Variants in MAGI2 observed in about 807,000 individuals in gnomAD.
The protein encoded by MAGI2 is membrane associated guanylate kinase, WW and PDZ domain containing 2, also known as membrane-associated guanylate kinase, WW and PDZ domain-containing protein 2.
A neutral mutation model predicts 133.3 loss-of-function variants in MAGI2; 35 were observed. The observed-to-expected ratio is 0.26, with a 90% CI of 0.20 to 0.35. The LOEUF (loss-of-function observed/expected upper bound fraction) is 0.35. Among genes scored for constraint, MAGI2 ranks in the 10% least tolerant of loss-of-function variants. The pLI, the probability that MAGI2 is intolerant of heterozygous loss-of-function variation, is 1.00. For synonymous variants in MAGI2, 729 were observed against 710.6 expected, an observed-to-expected ratio of 1.03 and a Z score of -0.41; for missense variants, 1,636 against 1,863.4, an observed-to-expected ratio of 0.88 and a Z score of 2.25.
intron 4 of MAGI2, among the ~76,000 whole-genome samples, chr7:78,513,936 A>G (rs1307913219): frequency 1.5e-4 from 23 of 151,950 alleles, no homozygotes; most frequent in Admixed American, 1.5e-3. Context: ...TAAAAATACA[A>G]AATTAGCTGT....
chr7:79,395,037 C>G (rs1350870636), intron 1 of MAGI2, among the ~76,000 whole-genome samples: 1 of 152,112 alleles, frequency 6.6e-6, no homozygotes, highest in Admixed American at 6.5e-5. Flanking sequence ...GTAGTACTCT[C>G]AGAGGCATAC....
intron 2 of MAGI2, among the ~76,000 whole-genome samples, chr7:78,693,811 T>G (rs1197724945): frequency 6.6e-6 from 1 of 152,184 alleles, no homozygotes; most frequent in Non-Finnish European, 1.5e-5. Context: ...TTGCATTTCC[T>G]TCTATCTTTT....
chr7:78,252,213 C>A (rs2429641), intron 10 of MAGI2: 106,091 of 150,534 alleles, frequency 0.7, 38,081 homozygotes, highest in African/African-American at 0.85. Context: ...AGAATAGCCA[C>A]ATTATTTTGA....
At chr7:78,878,338 A>G (rs1341681562) in intron 2 of MAGI2, among the ~76,000 whole-genome samples, 1 of 152,194 alleles carries the variant, frequency 6.6e-6, no homozygotes, top group African/African-American at 2.4e-5. Flanking sequence ...TTTTCATTTT[A>G]CACTGGACCT....
intron 21 of MAGI2, among the ~76,000 whole-genome samples, chr7:78,051,613 C>G (rs759162129): frequency 6.6e-6 from 1 of 152,130 alleles, no homozygotes; most frequent in African/African-American, 2.4e-5. Flanking sequence ...GAGACAGAGT[C>G]TGGCTCTGTT....
intron 2 of MAGI2, among the ~76,000 whole-genome samples, chr7:78,778,398 G>C (rs1164521242): frequency 6.6e-6 from 1 of 152,094 alleles, no homozygotes; most frequent in Non-Finnish European, 1.5e-5. Context: ...AAATTCAGTA[G>C]AATAAACTGT....
At chr7:78,491,906 TG>T (rs1793653168) in intron 5 of MAGI2, among the ~76,000 whole-genome samples, 1 of 151,488 alleles carries the variant, frequency 6.6e-6, no homozygotes, top group Non-Finnish European at 1.5e-5. Context: ...TGTGTGTGTG[TG>T]TGTGTGTGTG....
intron 1 of MAGI2, among the ~76,000 whole-genome samples, chr7:79,315,480 C>A (rs1024595466): frequency 6.6e-6 from 1 of 151,714 alleles, no homozygotes; most frequent in Non-Finnish European, 1.5e-5. Context: ...CAGCCTAATT[C>A]GTTTTTTTTA....
At chr7:78,600,711 CTG>C (rs1323749474) in intron 3 of MAGI2, among the ~76,000 whole-genome samples, 4 of 151,932 alleles carry the variant, frequency 2.6e-5, no homozygotes, top group African/African-American at 7.3e-5. Context: ...TTAATAAAAA[CTG>C]TGATTACACA....
chr7:78,905,607 A>G (rs1490586133), intron 2 of MAGI2, among the ~76,000 whole-genome samples: 1 of 152,148 alleles, frequency 6.6e-6, no homozygotes, highest in Admixed American at 6.5e-5. Flanking sequence ...GGATTTTATT[A>G]TGATTTAGAT....
At chr7:78,992,796 C>T (rs1183780823) in intron 2 of MAGI2, among the ~76,000 whole-genome samples, 1 of 151,988 alleles carries the variant, frequency 6.6e-6, no homozygotes, top group Non-Finnish European at 1.5e-5. Context: ...TTAGAACCTA[C>T]AAAAAGCTAC....
intron 20 of MAGI2, among the ~76,000 whole-genome samples, chr7:78,112,528 A>C (rs1178766724): frequency 2.0e-5 from 3 of 152,264 alleles, no homozygotes; most frequent in African/African-American, 7.2e-5. Context: ...CTGAATTGCC[A>C]CATATATTCA....
At chr7:79,112,311 C>T (rs983137063) in intron 1 of MAGI2, among the ~76,000 whole-genome samples, 1 of 152,068 alleles carries the variant, frequency 6.6e-6, no homozygotes, top group Non-Finnish European at 1.5e-5. Flanking sequence ...ATATATTCAA[C>T]CAAGTGAAAG....
At chr7:78,397,398 C>CA (rs3061268) in intron 6 of MAGI2, among the ~76,000 whole-genome samples, 5 of 150,148 alleles carry the variant, frequency 3.3e-5, no homozygotes, top group Admixed American at 6.7e-5. Context: ...CACACACACA[C>CA]CCCTTGTCTT....
At chr7:78,639,343 A>T (rs1444360848) in intron 2 of MAGI2, among the ~76,000 whole-genome samples, 2 of 150,842 alleles carry the variant, frequency 1.3e-5, no homozygotes, top group Non-Finnish European at 2.9e-5. Context: ...TGAGTGATCA[A>T]CTATTTTTTT....
chr7:78,997,550 C>T (rs938012617), intron 2 of MAGI2, among the ~76,000 whole-genome samples: 11 of 149,818 alleles, frequency 7.3e-5, no homozygotes, highest in African/African-American at 2.7e-4. Flanking sequence ...TGCGGTGAGC[C>T]GAGATCGTGC....
At chr7:79,229,017 T>C (rs1199614738) in intron 1 of MAGI2, among the ~76,000 whole-genome samples, 1 of 152,158 alleles carries the variant, frequency 6.6e-6, no homozygotes, top group Non-Finnish European at 1.5e-5. Flanking sequence ...TAGGAAGAGT[T>C]GTATTTACTT....
intron 6 of MAGI2, among the ~76,000 whole-genome samples, chr7:78,466,380 C>G (rs887147186): frequency 6.6e-6 from 1 of 152,186 alleles, no homozygotes; most frequent in Non-Finnish European, 1.5e-5. Flanking sequence ...TGAACACAAG[C>G]TGGGAATGCA....
intron 2 of MAGI2, among the ~76,000 whole-genome samples, chr7:78,699,807 C>A (rs1817883005): frequency 6.6e-6 from 1 of 151,828 alleles, no homozygotes; most frequent in African/African-American, 2.4e-5. Context: ...GTCAAAAGAC[C>A]CTCCAACCAT....
Sources: gnomAD v4.1 joint callset for allele counts (sites outside exome capture counted in the v4.1 genomes callset) on GRCh38, gnomAD v4.1.1 for gene constraint, MANE v1.5 for transcripts, NCBI Gene and HGNC (gene_info 2026-07-23, HGNC 2026-07-21) for gene names.